Variants in CACNA1C observed in about 807,000 individuals in gnomAD.
CACNA1C encodes the protein voltage-dependent L-type calcium channel subunit alpha-1C.
A neutral mutation model predicts 229.0 loss-of-function variants in CACNA1C; 30 were observed. That is an observed-to-expected ratio of 0.13 (90% CI 0.10 to 0.18). CACNA1C has a LOEUF of 0.18. Ranked by LOEUF, CACNA1C falls within the 10% of genes least tolerant of loss-of-function variation. The pLI, the probability that CACNA1C is intolerant of heterozygous loss-of-function variation, is 1.00. For synonymous variants in CACNA1C, 1,114 were observed against 1,132.5 expected, an observed-to-expected ratio of 0.98 and a Z score of 0.33; for missense variants, 1,658 against 2,845.0, an observed-to-expected ratio of 0.58 and a Z score of 9.49.
intron 28 of CACNA1C, 78 bp from the exon 29 acceptor site, chr12:2,611,825 A>T (rs2077960667): frequency 1.1e-6 from 1 of 904,028 alleles, no homozygotes; most frequent in East Asian, 2.5e-5. Context: ...AGGGCCTTCG[A>T]GAAGGCTGGG....
Position 2,354,467 on chromosome 12 carries a change from A to G in CACNA1C, c.478-94509A>G, listed in dbSNP as rs11833000. On this transcript the variant is annotated intron_variant, in intron 3 of 46. Transcript: ENST00000399655. The surrounding 1 kb of genome is among the most constrained non-coding windows in gnomAD (Gnocchi z 4.6). The stretch of plus-strand genomic sequence containing the variant: ...CAGCCTGTAGGGAAACGCCGGGAGG[A>G]ACAGGAGACTGTTGAGAAGGGGACG... Among the ~76,000 whole-genome samples, 1,236 of 152,176 alleles carry G rather than the reference A, an allele frequency of 8.1e-3. 32 individuals carry two copies. Among genetic ancestry groups the G allele is most frequent in the African/African-American group, 0.028 (1,181 of 41,498 alleles).
At chr12:2,527,973 A>G (rs1481524096) in intron 9 of CACNA1C, among the ~76,000 whole-genome samples, 2 of 152,198 alleles carry the variant, frequency 1.3e-5, no homozygotes. Context: ...GATGGTATAC[A>G]ATCATGTCCA....
intron 1 of CACNA1C, among the ~76,000 whole-genome samples, chr12:2,065,612 A>G (rs1210709216): frequency 6.6e-6 from 1 of 152,206 alleles, no homozygotes; most frequent in Non-Finnish European, 1.5e-5. Context: ...CGCAACTGTA[A>G]TAAAAGGCAG....
chr12:1,998,372 T>G (rs1418119435), intron 1 of CACNA1C, among the ~76,000 whole-genome samples: 2 of 152,218 alleles, frequency 1.3e-5, no homozygotes, highest in African/African-American at 4.8e-5. Flanking sequence ...TGTCTGCATT[T>G]CACTATCCTT....
intron 2 of CACNA1C, among the ~76,000 whole-genome samples, chr12:2,116,899 T>G (rs1189383708): frequency 1.3e-5 from 2 of 152,168 alleles, no homozygotes; most frequent in Non-Finnish European, 2.9e-5. Context: ...TATGGAAAGA[T>G]TTAAAAGTCT....
In CACNA1C at chr12:2,566,054, C is replaced by T. The variant is rs1434852860; in HGVS notation, c.1509-368C>T. 2.0e-5 allele frequency among the ~76,000 whole-genome samples: 3 copies of T among 152,186 alleles called. No individual in the cohort carries two copies. Among genetic ancestry groups the T allele is most frequent in the Admixed American group, 2.0e-4 (3 of 15,288 alleles). ...CCCTCCTCCACTGTTACTAATAATG[C>T]TCTTATTGCTTACAACACTATTTCT... On this transcript the variant is annotated intron_variant, in intron 11 of 46. Coordinates refer to ENST00000399655, the MANE Select transcript of CACNA1C (RefSeq NM_000719.7). This position sits in a 1 kb window ranked among gnomAD's most constrained non-coding sequence, Gnocchi z 4.0.
chr12:2,687,853 C>T (rs992852287), intron 45 of CACNA1C, among the ~76,000 whole-genome samples: 1 of 152,222 alleles, frequency 6.6e-6, no homozygotes, highest in Non-Finnish European at 1.5e-5. Flanking sequence ...ATCTTTTAAT[C>T]ACAATACAGC....
At chr12:2,059,022 G>A (rs1249869827) in intron 1 of CACNA1C, among the ~76,000 whole-genome samples, 1 of 152,174 alleles carries the variant, frequency 6.6e-6, no homozygotes, top group Non-Finnish European at 1.5e-5. Context: ...GTTTATCATG[G>A]CAGGAAGGGA....
At chr12:2,655,726 A>G (rs1262402057) in intron 34 of CACNA1C, among the ~76,000 whole-genome samples, 4 of 152,230 alleles carry the variant, frequency 2.6e-5, no homozygotes, top group African/African-American at 7.2e-5. Flanking sequence ...ACTGAATCCA[A>G]TAGTACATGA....
chr12:2,500,976 G>T (rs2099758273), intron 7 of CACNA1C, among the ~76,000 whole-genome samples: 1 of 151,838 alleles, frequency 6.6e-6, no homozygotes, highest in African/African-American at 2.4e-5. Flanking sequence ...GGAGGCCGAG[G>T]TGGGCGGATC....
At chr12:2,229,898 C>G (rs2064265504) in intron 3 of CACNA1C, among the ~76,000 whole-genome samples, 1 of 152,164 alleles carries the variant, frequency 6.6e-6, no homozygotes, top group Non-Finnish European at 1.5e-5. Context: ...GAGGCCAGAG[C>G]CATTGCAGAT....
intron 21 of CACNA1C, among the ~76,000 whole-genome samples, chr12:2,598,661 A>G (rs1216662810): frequency 6.6e-6 from 1 of 152,194 alleles, no homozygotes; most frequent in Non-Finnish European, 1.5e-5. Context: ...AACCGATGCC[A>G]CTGCCAGCTG....
chr12:1,989,960 C>A (rs556091155), intron 1 of CACNA1C, among the ~76,000 whole-genome samples: 1 of 152,226 alleles, frequency 6.6e-6, no homozygotes, highest in Non-Finnish European at 1.5e-5. Context: ...AATCTCAAGG[C>A]TAAAAAAACT....
intron 4 of CACNA1C, among the ~76,000 whole-genome samples, chr12:2,450,566 A>AC (rs1293102189): frequency 6.8e-6 from 1 of 147,596 alleles, no homozygotes; most frequent in African/African-American, 2.6e-5. Context: ...AAAAAAAAAA[A>AC]AAAAAAAAAA....
chr12:2,158,481 A>G (rs10848620), intron 3 of CACNA1C, among the ~76,000 whole-genome samples: 9,827 of 152,034 alleles, frequency 0.065, 995 homozygotes, highest in African/African-American at 0.21. Context: ...GGAGGTTGAG[A>G]TGGGAGGATT....
At chr12:2,459,758 C>T (rs892758639) in intron 5 of CACNA1C, among the ~76,000 whole-genome samples, 1 of 152,122 alleles carries the variant, frequency 6.6e-6, no homozygotes, top group African/African-American at 2.4e-5. Flanking sequence ...GTAATGGTAC[C>T]GCCAGTGTGT....
At chr12:2,214,325 C>T (rs939214690) in intron 3 of CACNA1C, among the ~76,000 whole-genome samples, 23 of 152,166 alleles carry the variant, frequency 1.5e-4, no homozygotes, top group Non-Finnish European at 1.5e-4. Context: ...TCTGTGACTC[C>T]ACTTCTCACT....
rs1290475945 is a variant in CACNA1C at position 2,633,308 on chromosome 12, T to G, written c.3829-989T>G. 6.6e-6 allele frequency among the ~76,000 whole-genome samples: 1 copy of G among 152,088 alleles called. No homozygotes were observed. Among genetic ancestry groups the G allele is most frequent in the Non-Finnish European group, 1.5e-5 (1 of 67,996 alleles). On this transcript the variant is annotated intron_variant, in intron 29 of 46. Coordinates refer to ENST00000399655, the MANE Select transcript of CACNA1C (RefSeq NM_000719.7). The surrounding 1 kb of genome is among the most constrained non-coding windows in gnomAD (Gnocchi z 5.8). ...TAGCCACATCCTGCCGCCTGGCGAT[T>G]TGCACCACCCACGCCCCCCACACCC...
chr12:2,545,902 C>T (rs1407846741), intron 9 of CACNA1C, among the ~76,000 whole-genome samples: 1 of 152,264 alleles, frequency 6.6e-6, no homozygotes, highest in Non-Finnish European at 1.5e-5. Flanking sequence ...ATCCAGAACT[C>T]CAAGTCCATA....
Sources: gnomAD v4.1 joint callset for allele counts (sites outside exome capture counted in the v4.1 genomes callset) on GRCh38, gnomAD v4.1.1 for gene constraint, Gnocchi (gnomAD v3.1) non-coding constraint, MANE v1.5 for transcripts, NCBI Gene and HGNC (gene_info 2026-07-23, HGNC 2026-07-21) for gene names.